Variants in INTS9 observed in about 807,000 individuals in gnomAD.
INTS9 encodes the protein protein related to CPSF subunits of 74 kDa.
Under a neutral mutation model 79.7 loss-of-function variants are expected in INTS9, and 55 were observed. That is an observed-to-expected ratio of 0.69 (90% CI 0.56 to 0.86). The LOEUF (loss-of-function observed/expected upper bound fraction) is 0.86. Ranked by LOEUF, INTS9 falls within the 40% of genes least tolerant of loss-of-function variation. The pLI, the probability that INTS9 is intolerant of heterozygous loss-of-function variation, is 0.00. For synonymous variants in INTS9, 319 were observed against 325.2 expected (o/e 0.98, Z 0.20); for missense variants, 721 against 831.5 (o/e 0.87, Z 1.64).
chr8:28,838,185 G>A (rs367580776), intron 4 of INTS9, among the ~76,000 whole-genome samples: 143 of 152,094 alleles, frequency 9.4e-4, no homozygotes, highest in Non-Finnish European at 1.6e-3. Context: ...AATGGGCAAC[G>A]GGGACGCAGC....
At chr8:28,827,708 A>T (rs565079628) in intron 6 of INTS9, among the ~76,000 whole-genome samples, 1 of 152,316 alleles carries the variant, frequency 6.6e-6, no homozygotes, top group East Asian at 1.9e-4. Flanking sequence ...ATTATTGCTT[A>T]AAAAAATGGC....
At chr8:28,882,767 T>C (rs768027039) in intron 1 of INTS9, among the ~76,000 whole-genome samples, 9 of 152,196 alleles carry the variant, frequency 5.9e-5, no homozygotes, top group Non-Finnish European at 1.3e-4. Flanking sequence ...ATTTGTCTGA[T>C]TACCTGTCTT....
At chr8:28,851,242 C>T (rs1417406200) in intron 2 of INTS9, among the ~76,000 whole-genome samples, 2 of 151,486 alleles carry the variant, frequency 1.3e-5, no homozygotes, top group Non-Finnish European at 2.9e-5. Context: ...CCCTCTTCCT[C>T]TTCCCAAAAT....
intron 5 of INTS9, among the ~76,000 whole-genome samples, chr8:28,835,607 A>C (rs1215145572): frequency 1.3e-5 from 2 of 152,232 alleles, no homozygotes; most frequent in African/African-American, 2.4e-5. Flanking sequence ...TAAATAATTT[A>C]ATTCACCTTT....
At chr8:28,822,416 A>G (rs957523169) in intron 6 of INTS9, among the ~76,000 whole-genome samples, 26 of 152,326 alleles carry the variant, frequency 1.7e-4, no homozygotes, top group Non-Finnish European at 1.5e-5. Flanking sequence ...TATAGTCTCC[A>G]CCACAACTAT....
At chr8:28,884,168 CTTTTTTTTT>C (rs35799882) in intron 1 of INTS9, among the ~76,000 whole-genome samples, 76 of 46,988 alleles carry the variant, frequency 1.6e-3, no homozygotes, top group African/African-American at 6.3e-3. Flanking sequence ...ATCAGTGTAT[CTTTTTTTTT>C]TTTTTTTTTT....
intron 2 of INTS9, among the ~76,000 whole-genome samples, chr8:28,854,385 C>T (rs1177764345): frequency 6.6e-6 from 1 of 152,018 alleles, no homozygotes; most frequent in East Asian, 1.9e-4. Context: ...AGAGCTCTGA[C>T]AGGGGTACGC....
At chr8:28,859,312 A>T in intron 2 of INTS9, 124 bp downstream of exon 2, 1 of 1,078,014 alleles carries the variant, frequency 9.3e-7, no homozygotes, top group Non-Finnish European at 1.3e-6. Context: ...TTTGATAAAG[A>T]ACATTTTTAA....
At position 28,796,086 on chromosome 8, in the gene INTS9, G is replaced by A. The variant is rs544041994; in HGVS notation, c.856+458C>T. On this transcript the variant is annotated intron_variant, in intron 9 of 16. Coordinates refer to ENST00000521022, the MANE Select transcript of INTS9 (RefSeq NM_018250.4). ...GCATTTTGGGAGGCCAAAGCGGGCG[G>A]ATTGCCTGAGGTCAGGAGTTCCAGA... Among the ~76,000 whole-genome samples the A allele has an allele frequency of 3.9e-5, 6 of 152,338 alleles. No individual in the cohort carries two copies. The East Asian group carries it at 1.2e-3, about 29-fold the overall frequency.
At chr8:28,772,198 G>T (rs995252839) in intron 14 of INTS9, among the ~76,000 whole-genome samples, 6 of 152,124 alleles carry the variant, frequency 3.9e-5, no homozygotes, top group Non-Finnish European at 7.4e-5. Flanking sequence ...GTAGCAAGTT[G>T]GATTGAGACA....
chr8:28,866,495 G>A (rs1183265129), intron 1 of INTS9, among the ~76,000 whole-genome samples: 3 of 152,132 alleles, frequency 2.0e-5, no homozygotes, highest in Non-Finnish European at 2.9e-5. Flanking sequence ...GCAGAGACGA[G>A]CTTCCTTACA....
intron 5 of INTS9, 56 bp from the exon 6 acceptor site, chr8:28,835,434 C>T (rs1806754675): frequency 8.0e-7 from 1 of 1,255,086 alleles, no homozygotes; most frequent in Admixed American, 1.8e-5. Flanking sequence ...AGAAACACCC[C>T]ATACTCTAAC....
At chr8:28,875,515 A>G (rs1371554611) in intron 1 of INTS9, among the ~76,000 whole-genome samples, 1 of 152,108 alleles carries the variant, frequency 6.6e-6, no homozygotes, top group East Asian at 1.9e-4. Context: ...TTTAAGCTCA[A>G]GGGTACATGT....
chr8:28,827,728 G>T (rs530921460), intron 6 of INTS9, among the ~76,000 whole-genome samples: 1 of 152,240 alleles, frequency 6.6e-6, no homozygotes, highest in South Asian at 2.1e-4. Context: ...CAATTGCTTA[G>T]GCTACCAAAG....
intron 4 of INTS9, among the ~76,000 whole-genome samples, chr8:28,842,604 C>G (rs1269019605): frequency 6.6e-6 from 1 of 152,136 alleles, no homozygotes; most frequent in Non-Finnish European, 1.5e-5. Flanking sequence ...GTTAACTCCT[C>G]TGGTGTGTTA....
intron 7 of INTS9, among the ~76,000 whole-genome samples, chr8:28,813,146 G>T (rs1197732972): frequency 6.6e-6 from 1 of 152,090 alleles, no homozygotes; most frequent in African/African-American, 2.4e-5. Context: ...GTAAGAAATG[G>T]GAAGGCTTAT....
At chr8:28,834,769 C>G (rs543324104) in intron 6 of INTS9, among the ~76,000 whole-genome samples, 1 of 151,890 alleles carries the variant, frequency 6.6e-6, no homozygotes, top group Non-Finnish European at 1.5e-5. Flanking sequence ...CTCTGCCTCC[C>G]GGGTTCAAGC....
intron 13 of INTS9, 100 bp downstream of exon 13, chr8:28,777,729 A>T: frequency 7.4e-7 from 1 of 1,351,990 alleles, no homozygotes; most frequent in Non-Finnish European, 9.8e-7. Flanking sequence ...TGAAGACAAG[A>T]ATCAAACACA....
At chr8:28,878,775 T>A (rs1304965976) in intron 1 of INTS9, among the ~76,000 whole-genome samples, 1 of 151,558 alleles carries the variant, frequency 6.6e-6, no homozygotes, top group African/African-American at 2.4e-5. Flanking sequence ...AGGTCAGGAG[T>A]TCGAGACCAG....
Sources: allele counts gnomAD v4.1 joint callset (sites outside exome capture counted in the v4.1 genomes callset), GRCh38; gene constraint gnomAD v4.1.1; transcripts MANE v1.5; gene names NCBI Gene and HGNC (gene_info 2026-07-23, HGNC 2026-07-21).